ADARB2: variants seen among roughly 807,000 people sequenced by gnomAD.
ADARB2 encodes inactive double-stranded RNA-specific editase B2.
In ADARB2, 25 loss-of-function variants were observed where a neutral mutation model predicts 62.2. The ratio of observed to expected loss-of-function variants is 0.40; its 90% CI spans 0.29 to 0.56. ADARB2 has a LOEUF of 0.56. ADARB2 is among the 20% of genes least tolerant of loss of function. The pLI is 0.43. For synonymous variants in ADARB2, 572 were observed against 500.8 expected (o/e 1.14, Z -1.90); for missense variants, 1,071 against 1,077.4 (o/e 0.99, Z 0.08).
chr10:1,596,887 C>T (rs1383049062), intron 1 of ADARB2, among the ~76,000 whole-genome samples: 2 of 152,080 alleles, frequency 1.3e-5, no homozygotes, highest in Admixed American at 6.5e-5. Context: ...GTCTTTTATT[C>T]CATTTCCCGT....
At chr10:1,524,036 C>G (rs1029990384) in intron 1 of ADARB2, among the ~76,000 whole-genome samples, 1 of 149,640 alleles carries the variant, frequency 6.7e-6, no homozygotes, top group Non-Finnish European at 1.5e-5. Flanking sequence ...TTACTATATT[C>G]TAGACAGTAT....
At chr10:1,733,925 G>A (rs991145606) in intron 1 of ADARB2, among the ~76,000 whole-genome samples, 13 of 151,614 alleles carry the variant, frequency 8.6e-5, no homozygotes, top group Admixed American at 3.3e-4. Context: ...ACACACTGAC[G>A]TGTCTGGCAT....
chr10:1,557,241 C>CTT (rs10642770), intron 1 of ADARB2, among the ~76,000 whole-genome samples: 139,377 of 151,794 alleles, frequency 0.92, 64,472 homozygotes, highest in East Asian at 1. Context: ...GCCACCACCT[C>CTT]GTCTGACTCC....
chr10:1,474,907 C>T (rs534044507), intron 1 of ADARB2, among the ~76,000 whole-genome samples: 1 of 152,166 alleles, frequency 6.6e-6, no homozygotes, highest in African/African-American at 2.4e-5. Flanking sequence ...ACGCACCACA[C>T]GGCTGGACCG....
At chr10:1,681,399 T>C (rs1427197214) in intron 1 of ADARB2, among the ~76,000 whole-genome samples, 1 of 152,166 alleles carries the variant, frequency 6.6e-6, no homozygotes, top group Non-Finnish European at 1.5e-5. Flanking sequence ...AAAGAAAATA[T>C]TGTTAGGCCT....
intron 1 of ADARB2, among the ~76,000 whole-genome samples, chr10:1,502,167 G>C (rs1045603051): frequency 6.6e-5 from 10 of 152,232 alleles, no homozygotes; most frequent in African/African-American, 2.4e-4. Flanking sequence ...CACAGCGAAA[G>C]GAGACTTCTC....
At chr10:1,662,069 C>T (rs1374434546) in intron 1 of ADARB2, among the ~76,000 whole-genome samples, 1 of 152,086 alleles carries the variant, frequency 6.6e-6, no homozygotes, top group African/African-American at 2.4e-5. Context: ...AGCCCGGGAC[C>T]CAGACATGTT....
At chr10:1,722,485 T>C (rs1835104974) in intron 1 of ADARB2, among the ~76,000 whole-genome samples, 1 of 152,236 alleles carries the variant, frequency 6.6e-6, no homozygotes, top group South Asian at 2.1e-4. Context: ...GGGAACGCAG[T>C]AGGTCCTCAT....
intron 1 of ADARB2, among the ~76,000 whole-genome samples, chr10:1,620,606 C>T (rs76865155): frequency 8.5e-5 from 13 of 152,200 alleles, no homozygotes; most frequent in East Asian, 1.9e-4. Context: ...GAAGGGGAGA[C>T]GACTCTCCAT....
chr10:1,679,604 T>G (rs1003739321), intron 1 of ADARB2, among the ~76,000 whole-genome samples: 2 of 152,158 alleles, frequency 1.3e-5, no homozygotes, highest in Non-Finnish European at 2.9e-5. Flanking sequence ...GTTTTTATGT[T>G]AATGCCTCAT....
chr10:1,253,425 C>T (rs1327997683), intron 4 of ADARB2, among the ~76,000 whole-genome samples: 1 of 152,310 alleles, frequency 6.6e-6, no homozygotes, highest in Admixed American at 6.5e-5. Flanking sequence ...CTAAATCTGA[C>T]CATGGCATTG....
chr10:1,351,952 C>G (rs2131844579), intron 3 of ADARB2, among the ~76,000 whole-genome samples: 1 of 148,378 alleles, frequency 6.7e-6, no homozygotes, highest in African/African-American at 2.6e-5. Flanking sequence ...ACACCTCCCT[C>G]CACAACCCAT....
At chr10:1,594,987 G>C (rs2132010738) in intron 1 of ADARB2, among the ~76,000 whole-genome samples, 1 of 152,282 alleles carries the variant, frequency 6.6e-6, no homozygotes, top group Admixed American at 6.5e-5. Context: ...TGCAGGATCT[G>C]AGGAAGTGCA....
chr10:1,697,311 C>A (rs907959728), intron 1 of ADARB2, among the ~76,000 whole-genome samples: 3 of 152,168 alleles, frequency 2.0e-5, no homozygotes, highest in African/African-American at 7.2e-5. Flanking sequence ...TCCTTGAAAG[C>A]AACATGTTCC....
intron 1 of ADARB2, among the ~76,000 whole-genome samples, chr10:1,396,104 G>A (rs1481414219): frequency 1.3e-5 from 2 of 152,244 alleles, no homozygotes; most frequent in East Asian, 3.8e-4. Flanking sequence ...GATCGCGTAA[G>A]TAATTTGTTT....
intron 1 of ADARB2, among the ~76,000 whole-genome samples, chr10:1,462,364 C>T (rs1375900153): frequency 1.3e-5 from 2 of 152,264 alleles, no homozygotes; most frequent in Admixed American, 6.5e-5. Context: ...CAAATTATTA[C>T]AGCCTGTGAC....
At chr10:1,226,765 C>G (rs1830750796) in intron 6 of ADARB2, among the ~76,000 whole-genome samples, 1 of 152,210 alleles carries the variant, frequency 6.6e-6, no homozygotes, top group Admixed American at 6.5e-5. Context: ...GATCGTTCCT[C>G]TGGAAGTTTT....
At chr10:1,273,486 C>T (rs958913485) in intron 3 of ADARB2, among the ~76,000 whole-genome samples, 3 of 152,204 alleles carry the variant, frequency 2.0e-5, no homozygotes, top group Non-Finnish European at 4.4e-5. Flanking sequence ...GAACGACGTC[C>T]ACAAGGTGGG....
At chr10:1,630,392 AC>A (rs778348537) in intron 1 of ADARB2, among the ~76,000 whole-genome samples, 29 of 152,106 alleles carry the variant, frequency 1.9e-4, no homozygotes, top group Non-Finnish European at 3.2e-4. Flanking sequence ...CAGCGGTGAC[AC>A]CCTTCCCTGG....
Sources: gnomAD v4.1 joint callset for allele counts (sites outside exome capture counted in the v4.1 genomes callset) on GRCh38, gnomAD v4.1.1 for gene constraint, MANE v1.5 for transcripts, NCBI Gene and HGNC (gene_info 2026-07-23, HGNC 2026-07-21) for gene names.